Variants in SLCO5A1 observed in about 807,000 individuals in gnomAD.
SLCO5A1 encodes organic anion transporter polypeptide-related protein 4.
A neutral mutation model predicts 65.1 loss-of-function variants in SLCO5A1; 39 were observed. The observed-to-expected ratio is 0.60, with a 90% CI of 0.46 to 0.78. The LOEUF is 0.78. Ranked by LOEUF, SLCO5A1 falls within the 30% of genes least tolerant of loss-of-function variation. The pLI, the probability that SLCO5A1 is intolerant of heterozygous loss-of-function variation, is 0.00. For missense variants in SLCO5A1, 1,029 were observed against 1,069.4 expected (o/e 0.96, Z 0.53); for synonymous variants, 438 against 415.7 (o/e 1.05, Z -0.65).
intron 1 of SLCO5A1, among the ~76,000 whole-genome samples, chr8:69,834,432 G>C (rs915217287): frequency 2.6e-5 from 4 of 152,208 alleles, no homozygotes; most frequent in Non-Finnish European, 5.9e-5. Flanking sequence ...CATCTCCCTC[G>C]GCTGTGCTGG....
At chr8:69,687,179 A>G (rs1307335456) in intron 6 of SLCO5A1, among the ~76,000 whole-genome samples, 1 of 152,224 alleles carries the variant, frequency 6.6e-6, no homozygotes, top group Non-Finnish European at 1.5e-5. Flanking sequence ...CCTACAGAGA[A>G]TGGTGGGAAA....
At chr8:69,697,672 A>T (rs2933058) in intron 6 of SLCO5A1, among the ~76,000 whole-genome samples, 106,841 of 151,782 alleles carry the variant, frequency 0.7, 39,049 homozygotes, top group African/African-American at 0.91. Context: ...TCATTCCTTA[A>T]GAAATTTCAC....
chr8:69,720,289 C>A (rs2933029), intron 5 of SLCO5A1, among the ~76,000 whole-genome samples: 13,802 of 152,200 alleles, frequency 0.091, 743 homozygotes, highest in African/African-American at 0.12. Context: ...GTAGCAAGTG[C>A]GAATGTAATG....
chr8:69,777,916 CACAG>C (rs984126193), intron 2 of SLCO5A1, among the ~76,000 whole-genome samples: 2 of 152,200 alleles, frequency 1.3e-5, no homozygotes, highest in African/African-American at 4.8e-5. Flanking sequence ...CATCTCATCA[CACAG>C]ACATTTTATA....
chr8:69,684,625 T>C (rs1156887800), intron 6 of SLCO5A1, among the ~76,000 whole-genome samples: 1 of 152,078 alleles, frequency 6.6e-6, no homozygotes, highest in Non-Finnish European at 1.5e-5. Flanking sequence ...CCCCTTATTT[T>C]GTATATAATT....
intron 7 of SLCO5A1, among the ~76,000 whole-genome samples, chr8:69,681,465 T>C (rs1363918654): frequency 1.3e-5 from 2 of 152,224 alleles, no homozygotes; most frequent in East Asian, 3.9e-4. Flanking sequence ...TGGTGGCACA[T>C]GCCTATAATC....
At chr8:69,723,235 T>G (rs1469061364) in intron 5 of SLCO5A1, among the ~76,000 whole-genome samples, 1 of 152,168 alleles carries the variant, frequency 6.6e-6, no homozygotes, top group Admixed American at 6.5e-5. Flanking sequence ...GAATACAAAT[T>G]AAACACATTT....
At chr8:69,702,763 A>G (rs1358371742) in intron 6 of SLCO5A1, among the ~76,000 whole-genome samples, 2 of 152,218 alleles carry the variant, frequency 1.3e-5, no homozygotes, top group African/African-American at 4.8e-5. Flanking sequence ...CAAAACTTGG[A>G]CAATGAAGCT....
At chr8:69,750,629 A>G (rs1208298740) in intron 4 of SLCO5A1, among the ~76,000 whole-genome samples, 2 of 152,104 alleles carry the variant, frequency 1.3e-5, no homozygotes, top group African/African-American at 2.4e-5. Context: ...CTGCCTGAAC[A>G]TTCCTGACAC....
intron 5 of SLCO5A1, among the ~76,000 whole-genome samples, chr8:69,713,973 C>A (rs2933042): frequency 6.6e-6 from 1 of 152,092 alleles, no homozygotes; most frequent in African/African-American, 2.4e-5. Context: ...CTGTCAGAAG[C>A]AAACTACTAA....
At chr8:69,722,566 A>G (rs905746687) in intron 5 of SLCO5A1, among the ~76,000 whole-genome samples, 1 of 152,224 alleles carries the variant, frequency 6.6e-6, no homozygotes, top group African/African-American at 2.4e-5. Context: ...AGCGAACAAA[A>G]CAAAGACAGG....
intron 2 of SLCO5A1, among the ~76,000 whole-genome samples, chr8:69,766,578 C>G (rs544021952): frequency 6.6e-6 from 1 of 152,214 alleles, no homozygotes; most frequent in Admixed American, 6.5e-5. Flanking sequence ...CACATGGCCA[C>G]ACGGTTCCTT....
At chr8:69,679,755 G>A (rs1334908311) in intron 7 of SLCO5A1, 136 bp from the exon 8 acceptor site, 12 of 1,234,616 alleles carry the variant, frequency 9.7e-6, no homozygotes, top group South Asian at 3.0e-5. Context: ...TTCATTGAAA[G>A]TACCTTCCTC....
At chr8:69,738,779 G>C (rs574977194) in intron 4 of SLCO5A1, among the ~76,000 whole-genome samples, 272 of 152,278 alleles carry the variant, frequency 1.8e-3, no homozygotes, top group Non-Finnish European at 3.3e-3. Flanking sequence ...TGCTTGAATT[G>C]GGGAACAAAG....
intron 6 of SLCO5A1, among the ~76,000 whole-genome samples, chr8:69,696,369 G>A (rs1030624471): frequency 2.0e-5 from 3 of 152,204 alleles, no homozygotes; most frequent in African/African-American, 7.2e-5. Context: ...CAGCCTGCCC[G>A]ATCGAATCTC....
Position 69,766,822 on chromosome 8 carries a change from T to C in SLCO5A1, c.908-4947A>G, listed in dbSNP as rs192878582. ...CTCCTCAAGAGATGCTGGTCAGTGG[T>C]GCTCACTGCTATGTCCCCAGTGCCC... is the stretch of plus-strand genomic sequence containing the variant. On this transcript the variant is annotated intron_variant, in intron 2 of 9. Coordinates refer to ENST00000260126, the MANE Select transcript of SLCO5A1 (RefSeq NM_030958.3). Among the ~76,000 whole-genome samples, 229 of 152,292 alleles carry C rather than the reference T, an allele frequency of 1.5e-3. 1 individual carries two copies. The highest frequency in any genetic ancestry group is 4.1e-3 in the Admixed American group (62 of 15,300).
chr8:69,762,647 C>T (rs1038517891), intron 2 of SLCO5A1, among the ~76,000 whole-genome samples: 4 of 152,144 alleles, frequency 2.6e-5, no homozygotes, highest in African/African-American at 7.2e-5. Context: ...GTAGGTTTCA[C>T]TCATCATAGC....
chr8:69,776,873 T>G (rs1253213885), intron 2 of SLCO5A1, among the ~76,000 whole-genome samples: 1 of 152,206 alleles, frequency 6.6e-6, no homozygotes, highest in African/African-American at 2.4e-5. Flanking sequence ...ACTAAACAGC[T>G]ATTTGAATGG....
chr8:69,761,055 G>T (rs1037210174), intron 3 of SLCO5A1, among the ~76,000 whole-genome samples: 1 of 152,136 alleles, frequency 6.6e-6, no homozygotes, highest in Non-Finnish European at 1.5e-5. Context: ...GCACAGAAAA[G>T]ATACTGAAAG....
Sources: allele counts gnomAD v4.1 joint callset (sites outside exome capture counted in the v4.1 genomes callset), GRCh38; gene constraint gnomAD v4.1.1; transcripts MANE v1.5; gene names NCBI Gene and HGNC (gene_info 2026-07-23, HGNC 2026-07-21).